The following CADPS2 variants were observed in gnomAD, a reference collection of about 807,000 sequenced individuals.
The protein encoded by CADPS2 is calcium dependent secretion activator 2.
In CADPS2, 93 loss-of-function variants were observed where a neutral mutation model predicts 172.5. The observed-to-expected ratio is 0.54, with a 90% CI of 0.46 to 0.64. CADPS2 has a LOEUF of 0.64. Among genes scored for constraint, CADPS2 ranks in the 30% least tolerant of loss-of-function variants. The probability of loss-of-function intolerance (pLI) is 0.00; values close to 1 mark genes in which losing one functional copy is unlikely to be tolerated. For missense variants in CADPS2, 1,420 were observed against 1,565.9 expected, an observed-to-expected ratio of 0.91 and a Z score of 1.57; for synonymous variants, 546 against 555.2, an observed-to-expected ratio of 0.98 and a Z score of 0.23.
chr7:122,842,058 A>G (rs911749878), intron 1 of CADPS2, among the ~76,000 whole-genome samples: 28 of 152,174 alleles, frequency 1.8e-4, no homozygotes, highest in African/African-American at 6.5e-4. Flanking sequence ...GGAAAAGGAG[A>G]GATGAGGAGC....
Position 122,583,839 on chromosome 7 carries a change from T to C in CADPS2, c.1224-2549A>G, listed in dbSNP as rs1033425461. ...CATATGCATATGTATATTCATATCATATACATCACATCATATACATATGTA... is the reference window on the plus strand; with the variant it reads ...CATATGCATATGTATATTCATATCACATACATCACATCATATACATATGTA... On this transcript the variant is annotated intron_variant, in intron 6 of 29. Transcript: ENST00000449022. Among the ~76,000 whole-genome samples the C allele has an allele frequency of 6.0e-5, 9 of 151,238 alleles. No individual in the cohort carries two copies. In the East Asian group the frequency reaches 1.2e-3, roughly 20 times the overall value.
At chr7:122,391,136 A>G (rs2044315741) in intron 22 of CADPS2, among the ~76,000 whole-genome samples, 2 of 152,218 alleles carry the variant, frequency 1.3e-5, no homozygotes, top group Admixed American at 1.3e-4. Flanking sequence ...TTCAAAAAAC[A>G]AATGGCAATA....
At chr7:122,409,613 A>C (rs2047062161) in intron 19 of CADPS2, 1 of 470,600 alleles carries the variant, frequency 2.1e-6, no homozygotes, top group African/African-American at 2.0e-5. Flanking sequence ...TCTGTGATGA[A>C]TGCCTCTTCT....
At chr7:122,698,696 T>A (rs775016679) in intron 2 of CADPS2, 1 of 1,613,684 alleles carries the variant, frequency 6.2e-7, no homozygotes, top group East Asian at 2.2e-5. Context: ...GGTGGCACTA[T>A]AACTCCTGCC....
intron 9 of CADPS2, among the ~76,000 whole-genome samples, chr7:122,503,813 T>C (rs962268898): frequency 6.6e-6 from 1 of 152,062 alleles, no homozygotes; most frequent in Admixed American, 6.6e-5. Context: ...TGCCTCAGAA[T>C]TGGGAAAAAA....
chr7:122,538,052 T>C (rs1181362904), intron 8 of CADPS2, among the ~76,000 whole-genome samples: 2 of 151,602 alleles, frequency 1.3e-5, no homozygotes, highest in Non-Finnish European at 2.9e-5. Context: ...ATACCTCCCC[T>C]TACCTCCAAC....
intron 28 of CADPS2, among the ~76,000 whole-genome samples, chr7:122,328,275 T>A (rs1195360234): frequency 1.3e-5 from 2 of 152,102 alleles, no homozygotes; most frequent in Non-Finnish European, 2.9e-5. Flanking sequence ...ATATGGTAGG[T>A]CCCATTTTCT....
At chr7:122,651,710 T>C (rs2079165093) in intron 3 of CADPS2, among the ~76,000 whole-genome samples, 1 of 152,162 alleles carries the variant, frequency 6.6e-6, no homozygotes, top group Admixed American at 6.5e-5. Flanking sequence ...GTGAGTCGCT[T>C]TCTTCAGTTA....
At position 122,605,539 on chromosome 7, in the gene CADPS2, C is replaced by T. The variant is rs561921774; in HGVS notation, c.1223+9642G>A. On this transcript the variant is annotated intron_variant, in intron 6 of 29. Transcript: ENST00000449022. ...TTACAATATTTCTTTTTTCATTGAA[C>T]TCCTTACTTTGATTTCATTTCCTCC... Among the ~76,000 whole-genome samples the T allele has an allele frequency of 3.3e-5, 5 of 152,130 alleles. No homozygotes were observed. The South Asian group carries it at 8.3e-4, about 25-fold the overall frequency.
chr7:122,883,928 C>G (rs1823610314), intron 1 of CADPS2, among the ~76,000 whole-genome samples: 1 of 151,968 alleles, frequency 6.6e-6, no homozygotes, highest in Non-Finnish European at 1.5e-5. Flanking sequence ...AATAGTCTCC[C>G]CAGTAGTATT....
chr7:122,395,034 A>T (rs373823504), intron 20 of CADPS2, among the ~76,000 whole-genome samples: 2 of 152,234 alleles, frequency 1.3e-5, no homozygotes, highest in South Asian at 4.1e-4. Context: ...AAATCTAATT[A>T]CTAGCAACTC....
intron 24 of CADPS2, among the ~76,000 whole-genome samples, chr7:122,381,152 T>C (rs1487679011): frequency 6.6e-6 from 1 of 152,076 alleles, no homozygotes; most frequent in Admixed American, 6.6e-5. Context: ...GCCCCCCAGC[T>C]CCTGGCTGAA....
intron 9 of CADPS2, among the ~76,000 whole-genome samples, chr7:122,501,615 C>T (rs1316097541): frequency 3.3e-5 from 5 of 151,726 alleles, no homozygotes; most frequent in East Asian, 3.9e-4. Context: ...TTTGGGAGGC[C>T]GAGGCAGGCA....
intron 20 of CADPS2, among the ~76,000 whole-genome samples, chr7:122,397,424 G>A (rs1282720500): frequency 8.0e-6 from 1 of 124,928 alleles, no homozygotes; most frequent in Non-Finnish European, 1.6e-5. Flanking sequence ...AGAAATGGGG[G>A]AGACAAAGAG....
At chr7:122,885,884 T>G in intron 1 of CADPS2, 115 bp downstream of exon 1, 1 of 1,269,448 alleles carries the variant, frequency 7.9e-7, no homozygotes, top group Non-Finnish European at 1.1e-6. Context: ...CCTCAGAGAC[T>G]AACAAAAATA....
chr7:122,871,180 C>T (rs374782185), intron 1 of CADPS2, among the ~76,000 whole-genome samples: 116 of 149,702 alleles, frequency 7.7e-4, no homozygotes, highest in African/African-American at 2.8e-3. Flanking sequence ...TGCCACAGTG[C>T]TGGGAAAAAA....
chr7:122,337,837 AC>A (rs904287001), intron 28 of CADPS2, among the ~76,000 whole-genome samples: 2 of 147,766 alleles, frequency 1.4e-5, no homozygotes, highest in Non-Finnish European at 3.0e-5. Flanking sequence ...AACAGGCTTG[AC>A]TATGACTATC....
chr7:122,803,647 T>C (rs983965499), intron 1 of CADPS2, among the ~76,000 whole-genome samples: 3 of 152,172 alleles, frequency 2.0e-5, no homozygotes, highest in East Asian at 3.9e-4. Context: ...AAATCAGATA[T>C]CCATTTGATT....
chr7:122,839,590 A>G (rs900273451), intron 1 of CADPS2, among the ~76,000 whole-genome samples: 1 of 152,212 alleles, frequency 6.6e-6, no homozygotes, highest in Non-Finnish European at 1.5e-5. Context: ...CAGGAAAAAA[A>G]CAAACAACCC....
Sources: allele counts gnomAD v4.1 joint callset (sites outside exome capture counted in the v4.1 genomes callset), GRCh38; gene constraint gnomAD v4.1.1; transcripts MANE v1.5; gene names NCBI Gene and HGNC (gene_info 2026-07-23, HGNC 2026-07-21).